CPB2: variants seen among roughly 807,000 people sequenced by gnomAD.
The protein encoded by CPB2 is carboxypeptidase B-like protein.
CPB2 carries 54 observed loss-of-function variants against 57.0 expected under a neutral mutation model. That is an observed-to-expected ratio of 0.95 (90% confidence interval 0.76 to 1.19). CPB2 has a LOEUF of 1.19. Ranked by LOEUF, CPB2 falls within the 50% of genes most tolerant of loss-of-function variation. The pLI is 0.00. For synonymous variants in CPB2, 189 were observed against 178.1 expected (o/e 1.06, Z -0.49); for missense variants, 426 against 512.0 (o/e 0.83, Z 1.62).
chr13:46,080,231 C>T (rs1021576979), intron 4 of CPB2, among the ~76,000 whole-genome samples: 6 of 152,118 alleles, frequency 3.9e-5, no homozygotes, highest in Middle Eastern at 3.2e-3. Flanking sequence ...CTCCCTACAC[C>T]GGATCATTTA....
chr13:46,068,728 T>A (rs2044893570), intron 6 of CPB2, among the ~76,000 whole-genome samples: 1 of 151,382 alleles, frequency 6.6e-6, no homozygotes. Flanking sequence ...TGTGTGATGT[T>A]CCCCTCCCTG....
intron 4 of CPB2, among the ~76,000 whole-genome samples, chr13:46,080,420 A>G (rs1261381240): frequency 6.6e-6 from 1 of 152,220 alleles, no homozygotes. Flanking sequence ...GCGGGGGTGC[A>G]AAGAGAAGCA....
chr13:46,059,749 CCTCAGG>C (rs1334975244), intron 8 of CPB2, among the ~76,000 whole-genome samples: 1 of 152,168 alleles, frequency 6.6e-6, no homozygotes, highest in Non-Finnish European at 1.5e-5. Context: ...TGCATCTCTG[CCTCAGG>C]AGTCCATGGC....
intron 8 of CPB2, among the ~76,000 whole-genome samples, chr13:46,060,488 G>A (rs796864262): frequency 6.6e-6 from 1 of 152,026 alleles, no homozygotes; most frequent in South Asian, 2.1e-4. Flanking sequence ...AAAGAAATAT[G>A]TGAGATTAAT....
chr13:46,067,317 G>A lies in CPB2; in HGVS notation c.692C>T (p.Ser231Leu). 1 of 1,510,036 alleles carries A rather than the reference G, an allele frequency of 6.6e-7. No individual in the cohort carries two copies. Among genetic ancestry groups the A allele is most frequent in the Non-Finnish European group, 9.2e-7 (1 of 1,087,308 alleles). 93.5% of individuals were successfully genotyped at this position (1,510,036 alleles called of 1,614,324 possible). A position where few individuals can be genotyped will look rare whatever the true frequency, so the allele number is the denominator to read the frequency against. ...TGCCTTTTCTCCTACCTTTTTCCAT[G>A]AGTAGTCATAACCATCCACATTAAC... is the stretch of plus-strand genomic sequence containing the variant. Reference protein sequence around the residue: ...PVVNVDGYDYSWKKNRMWRKN... With the variant: ...PVVNVDGYDYLWKKNRMWRKN... Residue 231 changes from serine (S) to leucine (L), a missense_variant, in exon 7 of 11, where the codon TCA becomes TTA. Coordinates refer to ENST00000181383, the MANE Select transcript of CPB2 (RefSeq NM_001872.5).
intron 1 of CPB2, among the ~76,000 whole-genome samples, chr13:46,092,653 G>A (rs1164086652): frequency 1.3e-5 from 2 of 152,170 alleles, no homozygotes; most frequent in Non-Finnish European, 2.9e-5. Context: ...AGGCACAATA[G>A]CAAGAGATAA....
At chr13:46,071,162 G>A (rs912028115) in intron 6 of CPB2, among the ~76,000 whole-genome samples, 1 of 152,126 alleles carries the variant, frequency 6.6e-6, no homozygotes, top group Non-Finnish European at 1.5e-5. Context: ...GGTCAAGGGA[G>A]CAAGAAATTG....
chr13:46,068,871 G>T (rs2044896257), intron 6 of CPB2, among the ~76,000 whole-genome samples: 1 of 152,134 alleles, frequency 6.6e-6, no homozygotes, highest in Non-Finnish European at 1.5e-5. Flanking sequence ...CGAGCAACCA[G>T]TTAAATACAT....
At chr13:46,090,162 T>A (rs1198779135) in intron 1 of CPB2, among the ~76,000 whole-genome samples, 2 of 152,112 alleles carry the variant, frequency 1.3e-5, no homozygotes, top group East Asian at 1.9e-4. Context: ...CCAATTCTTT[T>A]TTTTTTACAA....
intron 7 of CPB2, among the ~76,000 whole-genome samples, chr13:46,066,824 G>A (rs537498404): frequency 1.8e-3 from 247 of 135,550 alleles, no homozygotes; most frequent in African/African-American, 6.1e-3. Flanking sequence ...CAGCCTGGGC[G>A]ACAGAGCAAG....
intron 6 of CPB2, among the ~76,000 whole-genome samples, chr13:46,072,432 G>A (rs950298065): frequency 6.6e-6 from 1 of 152,028 alleles, no homozygotes; most frequent in Non-Finnish European, 1.5e-5. Flanking sequence ...TTTAAATGTC[G>A]ATTTAAAAAG....
chr13:46,073,755 C>A, intron 6 of CPB2, 118 bp downstream of exon 6: 1 of 595,782 alleles, frequency 1.7e-6, no homozygotes, highest in South Asian at 5.1e-5. Flanking sequence ...TTGTAGATTC[C>A]CAAGCTTCAT....
At chr13:46,056,368 G>T (rs2044696928) in intron 9 of CPB2, among the ~76,000 whole-genome samples, 1 of 152,080 alleles carries the variant, frequency 6.6e-6, no homozygotes, top group South Asian at 2.1e-4. Context: ...TATGCCTCTG[G>T]TATGGAGCAG....
At chr13:46,076,716 A>T (rs986902801) in intron 5 of CPB2, among the ~76,000 whole-genome samples, 1 of 152,308 alleles carries the variant, frequency 6.6e-6, no homozygotes, top group East Asian at 1.9e-4. Flanking sequence ...CTAAAACAGC[A>T]TGGTACTGGC....
At chr13:46,104,408 AG>A (rs1405548631) in intron 1 of CPB2, among the ~76,000 whole-genome samples, 1 of 152,212 alleles carries the variant, frequency 6.6e-6, no homozygotes, top group Non-Finnish European at 1.5e-5. Context: ...GTTTATCCTA[AG>A]GGAATCTACT....
chr13:46,084,158 C>G (rs2045162276), intron 3 of CPB2, 61 bp downstream of exon 3: 1 of 1,584,946 alleles, frequency 6.3e-7, no homozygotes, highest in African/African-American at 1.3e-5. Context: ...ATACCATACC[C>G]TAGTCAAGTG....
chr13:46,091,000 AG>A (rs2045285492), intron 1 of CPB2, among the ~76,000 whole-genome samples: 1 of 152,246 alleles, frequency 6.6e-6, no homozygotes, highest in African/African-American at 2.4e-5. Context: ...CTGGGATTAC[AG>A]GCGTGAGCCA....
rs574990433 is a variant in CPB2 at position 46,097,676 on chromosome 13, C to G, written c.74+7260G>C. 2.6e-5 allele frequency among the ~76,000 whole-genome samples: 4 copies of G among 152,278 alleles called. No individual in the cohort carries two copies. The East Asian group carries it at 7.7e-4, about 29-fold the overall frequency. ...AAATAAAAATGGTTTGTTGAAGGAT[C>G]AATTGAGGTGCTAACTTGGAAGGCA... On this transcript the variant is annotated intron_variant, in intron 1 of 10. Transcript: ENST00000181383.
chr13:46,082,681 G>T, intron 3 of CPB2, 132 bp from the exon 4 acceptor site: 1 of 547,006 alleles, frequency 1.8e-6, no homozygotes, highest in Non-Finnish European at 3.3e-6. Context: ...TTTCATCAAG[G>T]TAAAAGTAAG....
Sources: gnomAD v4.1 joint callset for allele counts (sites outside exome capture counted in the v4.1 genomes callset) on GRCh38, gnomAD v4.1.1 for gene constraint, MANE v1.5 for transcripts, NCBI Gene and HGNC (gene_info 2026-07-23, HGNC 2026-07-21) for gene names.